MAD1L1: variants seen among roughly 807,000 people sequenced by gnomAD.
The protein encoded by MAD1L1 is mitotic spindle assembly checkpoint protein MAD1.
MAD1L1 carries 95 observed loss-of-function variants against 96.9 expected under a neutral mutation model. The ratio of observed to expected loss-of-function variants is 0.98; its 90% CI spans 0.83 to 1.16. MAD1L1 has a LOEUF of 1.16. Among genes scored for constraint, MAD1L1 ranks in the 50% most tolerant of loss-of-function variants. MAD1L1 has a pLI of 0.00. For missense variants in MAD1L1, 1,007 were observed against 954.4 expected, an observed-to-expected ratio of 1.06 and a Z score of -0.73; for synonymous variants, 473 against 396.6, an observed-to-expected ratio of 1.19 and a Z score of -2.29.
In MAD1L1 at chr7:1,878,018, G is replaced by A. The variant is rs144080046; in HGVS notation, c.1998+20182C>T. ...GAAGGGATGGCACTACAGATGCTAT[G>A]GGTAATACAAGGATAATAATGAATT... is the stretch of plus-strand genomic sequence containing the variant. On this transcript the variant is annotated intron_variant, in intron 18 of 18. Coordinates refer to ENST00000265854, the MANE Select transcript of MAD1L1 (RefSeq NM_001013836.2). Among the ~76,000 whole-genome samples, 762 of 152,178 alleles carry A rather than the reference G, an allele frequency of 5.0e-3. 1 individual carries two copies. Among genetic ancestry groups the A allele is most frequent in the South Asian group, 0.018 (86 of 4,816 alleles).
Position 2,103,283 on chromosome 7 carries a change from G to T in MAD1L1, c.1074-33945C>A, listed in dbSNP as rs1234642626. On this transcript the variant is annotated intron_variant, in intron 11 of 18. Coordinates refer to ENST00000265854, the MANE Select transcript of MAD1L1 (RefSeq NM_001013836.2). The surrounding 1 kb of genome is among the most constrained non-coding windows in gnomAD (Gnocchi z 4.3). ...CCGGGTCGCAGCCCAAGCCATGGCT[G>T]CCCCGACGGGCCCTGCACACACAGT... 2.0e-5 allele frequency among the ~76,000 whole-genome samples: 3 copies of T among 152,142 alleles called. No homozygotes were observed. The highest frequency in any genetic ancestry group is 7.2e-5 in the African/African-American group (3 of 41,440).
At chr7:2,006,658 C>T (rs956897785) in intron 13 of MAD1L1, among the ~76,000 whole-genome samples, 1 of 151,156 alleles carries the variant, frequency 6.6e-6, no homozygotes, top group Non-Finnish European at 1.5e-5. Flanking sequence ...ACTAAACCCA[C>T]ACAGCCCAAC....
intron 18 of MAD1L1, among the ~76,000 whole-genome samples, chr7:1,872,349 G>A (rs1443500917): frequency 6.6e-6 from 1 of 152,196 alleles, no homozygotes; most frequent in African/African-American, 2.4e-5. Flanking sequence ...CAGGAAGTGA[G>A]GCCCCTGGTC....
intron 10 of MAD1L1, among the ~76,000 whole-genome samples, chr7:2,156,714 A>G (rs7788620): frequency 0.28 from 41,886 of 151,416 alleles, 6,686 homozygotes; most frequent in African/African-American, 0.44. Context: ...CCACCTACTC[A>G]GGAGGCTGAG....
intron 15 of MAD1L1, among the ~76,000 whole-genome samples, chr7:1,978,804 G>A (rs1055621936): frequency 5.9e-5 from 9 of 152,088 alleles, no homozygotes; most frequent in African/African-American, 1.7e-4. Flanking sequence ...AGAGCGCGTC[G>A]GGGCCCACTC....
intron 15 of MAD1L1, among the ~76,000 whole-genome samples, chr7:1,973,607 A>G (rs1004096063): frequency 7.2e-5 from 11 of 151,892 alleles, no homozygotes; most frequent in Non-Finnish European, 1.2e-4. Flanking sequence ...GACCACAGAC[A>G]GGGGGGTGCG....
chr7:2,230,217 T>A, intron 2 of MAD1L1, 74 bp from the exon 3 acceptor site: 1 of 1,257,552 alleles, frequency 8.0e-7, no homozygotes, highest in Non-Finnish European at 1.1e-6. Context: ...CAGCAGAGCC[T>A]CTGGACAGCC....
intron 10 of MAD1L1, among the ~76,000 whole-genome samples, chr7:2,151,160 G>GA (rs1427774426): frequency 1.3e-5 from 2 of 152,242 alleles, no homozygotes; most frequent in Non-Finnish European, 2.9e-5. Flanking sequence ...TATTTTTTCT[G>GA]AAACATTTGA....
chr7:1,870,564 A>C (rs1311362490), intron 18 of MAD1L1, among the ~76,000 whole-genome samples: 2 of 149,980 alleles, frequency 1.3e-5, no homozygotes, highest in Non-Finnish European at 3.0e-5. Flanking sequence ...TGCCACGCTG[A>C]ACCCAACATA....
chr7:1,907,551 C>T (rs893928657), intron 17 of MAD1L1, among the ~76,000 whole-genome samples: 2 of 152,258 alleles, frequency 1.3e-5, no homozygotes, highest in African/African-American at 2.4e-5. Flanking sequence ...CCCGGCCCCA[C>T]TGATGACGCC....
intron 17 of MAD1L1, among the ~76,000 whole-genome samples, chr7:1,903,908 G>A (rs28414732): frequency 0.039 from 3,687 of 93,656 alleles, 111 homozygotes; most frequent in East Asian, 0.06. Flanking sequence ...ACTCATGATT[G>A]ATCAAGCACT....
At chr7:1,853,481 G>C (rs1180962125) in intron 18 of MAD1L1, among the ~76,000 whole-genome samples, 1 of 152,148 alleles carries the variant, frequency 6.6e-6, no homozygotes, top group Non-Finnish European at 1.5e-5. Flanking sequence ...ACAGAAGCAG[G>C]TGACAGCAGA....
At chr7:1,926,563 G>T (rs570696037) in intron 17 of MAD1L1, among the ~76,000 whole-genome samples, 9 of 152,116 alleles carry the variant, frequency 5.9e-5, no homozygotes, top group Non-Finnish European at 1.2e-4. Context: ...TTGGCTCAAC[G>T]TTGGAAACTT....
At chr7:2,031,534 T>G (rs1294962093) in intron 12 of MAD1L1, among the ~76,000 whole-genome samples, 2 of 152,260 alleles carry the variant, frequency 1.3e-5, no homozygotes, top group Non-Finnish European at 2.9e-5. Context: ...TTGTGTTCGC[T>G]GTATAAATGC....
chr7:1,983,176 A>G (rs925074147), intron 14 of MAD1L1, among the ~76,000 whole-genome samples: 1 of 149,486 alleles, frequency 6.7e-6, no homozygotes, highest in African/African-American at 2.5e-5. Flanking sequence ...ACACACACAC[A>G]CACACACACA....
chr7:1,947,027 C>T (rs965032165), intron 16 of MAD1L1, among the ~76,000 whole-genome samples: 1 of 152,208 alleles, frequency 6.6e-6, no homozygotes, highest in African/African-American at 2.4e-5. Flanking sequence ...GCTGGTAGGT[C>T]TCCGTCCTCT....
intron 16 of MAD1L1, among the ~76,000 whole-genome samples, chr7:1,947,203 G>A (rs1002413117): frequency 2.0e-5 from 3 of 152,308 alleles, no homozygotes; most frequent in Middle Eastern, 3.4e-3. Context: ...TGGCTGCCCC[G>A]GGCAAAGGAA....
At chr7:1,939,326 TACACACAC>T (rs569016510) in intron 16 of MAD1L1, among the ~76,000 whole-genome samples, 18 of 93,596 alleles carry the variant, frequency 1.9e-4, no homozygotes, top group Middle Eastern at 8.5e-3. Context: ...CACACACACA[TACACACAC>T]ACACAGGCCA....
chr7:1,949,516 T>C lies in MAD1L1; in HGVS notation c.1596+8113A>G, dbSNP rs114350102. On this transcript the variant is annotated intron_variant, in intron 16 of 18. Transcript: ENST00000265854. ...CTCCAGGTCCAAACCCAGTTCCTCA[T>C]GAGAGAAGCAAAGTGCTTCCCCTTC... 8.6e-3 allele frequency among the ~76,000 whole-genome samples: 1,307 copies of C among 152,298 alleles called. 15 individuals are homozygous for C. The highest frequency in any genetic ancestry group is 0.031 in the African/African-American group (1,268 of 41,564).
Sources: allele counts gnomAD v4.1 joint callset (sites outside exome capture counted in the v4.1 genomes callset), GRCh38; gene constraint gnomAD v4.1.1; non-coding constraint Gnocchi (gnomAD v3.1); transcripts MANE v1.5; gene names NCBI Gene and HGNC (gene_info 2026-07-23, HGNC 2026-07-21).